Variants in NRG2 observed in about 807,000 individuals in gnomAD.
NRG2 encodes the protein neuregulin 2.
Under a neutral mutation model 73.9 loss-of-function variants are expected in NRG2, and 27 were observed. The observed-to-expected ratio is 0.37, with a 90% confidence interval of 0.27 to 0.50. The LOEUF is 0.50. Ranked by LOEUF, NRG2 falls within the 20% of genes least tolerant of loss-of-function variation. The pLI, the probability that NRG2 is intolerant of heterozygous loss-of-function variation, is 0.96. For missense variants in NRG2, 1,126 were observed against 1,210.1 expected (o/e 0.93, Z 1.03); for synonymous variants, 532 against 541.0 (o/e 0.98, Z 0.23).
At chr5:139,939,793 T>A (rs57862811) in intron 1 of NRG2, among the ~76,000 whole-genome samples, 11 of 151,892 alleles carry the variant, frequency 7.2e-5, no homozygotes, top group African/African-American at 2.7e-4. Flanking sequence ...AAGAAAAAAG[T>A]CCATTCAAAA....
At chr5:139,890,881 T>C (rs1764172586) in intron 1 of NRG2, among the ~76,000 whole-genome samples, 1 of 152,222 alleles carries the variant, frequency 6.6e-6, no homozygotes, top group Non-Finnish European at 1.5e-5. Context: ...TGAACACATA[T>C]GCACAGGTGG....
intron 1 of NRG2, among the ~76,000 whole-genome samples, chr5:140,039,496 T>C (rs1472795623): frequency 2.0e-5 from 3 of 152,208 alleles, no homozygotes; most frequent in Non-Finnish European, 4.4e-5. Context: ...AAAATATCAC[T>C]CTGGCAGGTC....
chr5:139,904,061 C>T lies in NRG2; in HGVS notation c.701-16550G>A, dbSNP rs1215232778. ...CCGGCGTGCAGCGCCTCTTGCCCGC[C>T]CCTGCGTGGGGACGCGGCCGCCCGG... On this transcript the variant is annotated intron_variant, in intron 1 of 9. Transcript: ENST00000361474. The surrounding 1 kb of genome is among the most constrained non-coding windows in gnomAD (Gnocchi z 6.0). 6.6e-6 allele frequency among the ~76,000 whole-genome samples: 1 copy of T among 152,182 alleles called. No homozygotes were observed. Among genetic ancestry groups the T allele is most frequent in the African/African-American group, 2.4e-5 (1 of 41,458 alleles).
Position 140,043,256 on chromosome 5 carries a change from C to G in NRG2, c.-187G>C. Reference sequence around the variant, plus strand: ...GCGGGCCGCGATGCGCAGCGCGGCGCAGCGCAGCGCTCCCACCCTGTGCGC... The same window carrying G: ...GCGGGCCGCGATGCGCAGCGCGGCGGAGCGCAGCGCTCCCACCCTGTGCGC... On this transcript the variant is annotated 5_prime_UTR_variant, in exon 1 of 10. Coordinates refer to ENST00000361474, the MANE Select transcript of NRG2 (RefSeq NM_004883.3). The surrounding 1 kb of genome is among the most constrained non-coding windows in gnomAD (Gnocchi z 6.7). The G allele has an allele frequency of 3.3e-6, 2 of 603,136 alleles. No individual in the cohort carries two copies. The highest frequency in any genetic ancestry group is 2.1e-5 in the South Asian group (1 of 48,142). The allele number at this position is 603,136 out of a possible 1,614,324, so 37.4% of individuals were successfully genotyped here.
In NRG2 at chr5:139,876,185, A is replaced by G. The variant is rs75449834; in HGVS notation, c.992-4344T>C. ...AGTGAAATAGTATTTAGCCATAAAA[A>G]GGAATGGAGTACTGATCCATGCTAC... On this transcript the variant is annotated intron_variant, in intron 3 of 9. Transcript: ENST00000361474. Among the ~76,000 whole-genome samples the G allele has an allele frequency of 3.0e-3, 453 of 152,380 alleles. 1 individual carries two copies. Among genetic ancestry groups the G allele is most frequent in the African/African-American group, 9.6e-3 (399 of 41,582 alleles).
intron 1 of NRG2, among the ~76,000 whole-genome samples, chr5:139,984,676 T>C (rs1339512363): frequency 1.3e-5 from 2 of 152,240 alleles, no homozygotes; most frequent in African/African-American, 4.8e-5. Flanking sequence ...GTTAAATTCC[T>C]TTTTATTTCT....
At chr5:139,991,712 A>C (rs961066861) in intron 1 of NRG2, among the ~76,000 whole-genome samples, 1 of 152,114 alleles carries the variant, frequency 6.6e-6, no homozygotes, top group African/African-American at 2.4e-5. Flanking sequence ...TCCATTCTTA[A>C]ACCATCTGGA....
chr5:139,875,872 C>A (rs1763145243), intron 3 of NRG2, among the ~76,000 whole-genome samples: 1 of 152,128 alleles, frequency 6.6e-6, no homozygotes, highest in Non-Finnish European at 1.5e-5. Context: ...AAATTGGAAG[C>A]CGTATGCATT....
chr5:139,972,673 G>T (rs1346025769), intron 1 of NRG2, among the ~76,000 whole-genome samples: 1 of 152,200 alleles, frequency 6.6e-6, no homozygotes, highest in African/African-American at 2.4e-5. Flanking sequence ...ACAGTGAGCC[G>T]AGATTGCACT....
chr5:139,988,802 G>A (rs1374147283), intron 1 of NRG2, among the ~76,000 whole-genome samples: 1 of 151,812 alleles, frequency 6.6e-6, no homozygotes, highest in Admixed American at 6.6e-5. Flanking sequence ...ATAATGATGT[G>A]TCAATGTAGG....
intron 1 of NRG2, among the ~76,000 whole-genome samples, chr5:139,892,170 G>T (rs913067957): frequency 6.6e-6 from 1 of 152,176 alleles, no homozygotes; most frequent in African/African-American, 2.4e-5. Context: ...CAGCTCAGGT[G>T]GCAGGAAAGA....
At chr5:139,863,656 G>T (rs1424522663) in intron 5 of NRG2, among the ~76,000 whole-genome samples, 2 of 152,072 alleles carry the variant, frequency 1.3e-5, no homozygotes, top group African/African-American at 4.8e-5. Flanking sequence ...CTGGCCCCCA[G>T]CTCTGCCTAG....
chr5:139,990,053 G>A (rs994869213), intron 1 of NRG2, among the ~76,000 whole-genome samples: 2 of 151,768 alleles, frequency 1.3e-5, no homozygotes, highest in Non-Finnish European at 2.9e-5. Context: ...CTCCCAAAGT[G>A]CTGGGATTAC....
intron 9 of NRG2, 78 bp from the exon 10 acceptor site, chr5:139,848,775 G>GGGGGGGGT: frequency 3.3e-6 from 2 of 601,718 alleles, no homozygotes; most frequent in Non-Finnish European, 4.8e-6. Flanking sequence ...GTGGGGTAGG[G>GGGGGGGGT]TGGGAGGGGC....
intron 1 of NRG2, among the ~76,000 whole-genome samples, chr5:140,025,756 CTCT>C (rs1760636447): frequency 6.6e-6 from 1 of 152,186 alleles, no homozygotes; most frequent in Non-Finnish European, 1.5e-5. Context: ...TAAGGTCATT[CTCT>C]TCAAGTCACC....
intron 1 of NRG2, among the ~76,000 whole-genome samples, chr5:139,929,383 T>C (rs900020612): frequency 3.3e-5 from 5 of 152,212 alleles, no homozygotes; most frequent in African/African-American, 9.6e-5. Context: ...ATGAATCCTG[T>C]GGCCTCAGTG....
chr5:139,986,483 G>T (rs1757182339), intron 1 of NRG2, among the ~76,000 whole-genome samples: 2 of 152,168 alleles, frequency 1.3e-5, no homozygotes, highest in South Asian at 4.1e-4. Context: ...GAAGCAAAAA[G>T]AACCTAGACA....
chr5:139,961,166 G>C (rs1183603344), intron 1 of NRG2, among the ~76,000 whole-genome samples: 1 of 152,236 alleles, frequency 6.6e-6, no homozygotes, highest in Non-Finnish European at 1.5e-5. Context: ...TGCCTTGGTA[G>C]TGGGGGTTTC....
At chr5:139,951,311 T>C (rs1336075637) in intron 1 of NRG2, among the ~76,000 whole-genome samples, 1 of 152,234 alleles carries the variant, frequency 6.6e-6, no homozygotes, top group Non-Finnish European at 1.5e-5. Context: ...TGTCTCTCTT[T>C]GGCTACTTAT....
Sources: allele counts gnomAD v4.1 joint callset (sites outside exome capture counted in the v4.1 genomes callset), GRCh38; gene constraint gnomAD v4.1.1; non-coding constraint Gnocchi (gnomAD v3.1); transcripts MANE v1.5; gene names NCBI Gene and HGNC (gene_info 2026-07-23, HGNC 2026-07-21).